SLC30A9: variants seen among roughly 807,000 people sequenced by gnomAD.
SLC30A9 encodes the protein solute carrier family 30 member 9, also known as proton-coupled zinc antiporter SLC30A9, mitochondrial.
Under a neutral mutation model 87.5 loss-of-function variants are expected in SLC30A9, and 58 were observed. The ratio of observed to expected loss-of-function variants is 0.66; its 90% CI spans 0.54 to 0.82. The LOEUF (loss-of-function observed/expected upper bound fraction) is 0.82. SLC30A9 is among the 40% of genes least tolerant of loss of function. The pLI is 0.00. For synonymous variants in SLC30A9, 234 were observed against 233.0 expected (o/e 1.00, Z -0.04); for missense variants, 557 against 679.1 (o/e 0.82, Z 2.00).
chr4:41,990,853 G>T (rs1194895516), intron 1 of SLC30A9, 93 bp downstream of exon 1: 1 of 890,658 alleles, frequency 1.1e-6, no homozygotes. Flanking sequence ...TCGCCCACTT[G>T]CCTTTCGCCA....
intron 1 of SLC30A9, among the ~76,000 whole-genome samples, chr4:41,998,283 C>T (rs138630668): frequency 0.018 from 2,748 of 152,220 alleles, 38 homozygotes; most frequent in South Asian, 0.022. Context: ...GTCTTGAAGA[C>T]ACAGCCCTTA....
chr4:42,004,784 TGA>T (rs1406767041), intron 2 of SLC30A9, among the ~76,000 whole-genome samples: 1 of 151,228 alleles, frequency 6.6e-6, no homozygotes, highest in Non-Finnish European at 1.5e-5. Flanking sequence ...CCTAAGTAGC[TGA>T]GAAAACAGGT....
At chr4:42,031,808 G>C (rs983877792) in intron 6 of SLC30A9, among the ~76,000 whole-genome samples, 1 of 152,106 alleles carries the variant, frequency 6.6e-6, no homozygotes, top group African/African-American at 2.4e-5. Context: ...ATGGAAATTT[G>C]TAGTTATTTC....
intron 6 of SLC30A9, among the ~76,000 whole-genome samples, chr4:42,029,006 G>A (rs1716305159): frequency 6.6e-6 from 1 of 152,220 alleles, no homozygotes; most frequent in Non-Finnish European, 1.5e-5. Context: ...TACATTATTT[G>A]AATCAAAGTA....
intron 15 of SLC30A9, among the ~76,000 whole-genome samples, chr4:42,073,565 G>A (rs1718403284): frequency 6.6e-6 from 1 of 152,068 alleles, no homozygotes; most frequent in Non-Finnish European, 1.5e-5. Context: ...AGCTTATCTG[G>A]GTCTTCGACT....
Position 41,990,619 on chromosome 4 carries a change from C to T in SLC30A9, c.-33C>T, listed in dbSNP as rs1160895332. ...CCGGTGGCGGCGCGGAGGCAGAAGG[C>T]GGTGTCCGAGTAGGGGCCTCTGCCC... On this transcript the variant is annotated 5_prime_UTR_variant, in exon 1 of 18. Coordinates refer to ENST00000264451, the MANE Select transcript of SLC30A9 (RefSeq NM_006345.4). 15 of 1,356,358 alleles carry T rather than the reference C, an allele frequency of 1.1e-5. No homozygotes were observed. Among genetic ancestry groups the T allele is most frequent in the African/African-American group, 1.4e-5 (1 of 70,554 alleles). 84.0% of individuals were successfully genotyped at this position (1,356,358 alleles called of 1,614,324 possible). A position where few individuals can be genotyped will look rare whatever the true frequency, so the allele number is the denominator to read the frequency against.
chr4:42,039,023 C>G lies in SLC30A9; in HGVS notation c.707C>G (p.Pro236Arg), dbSNP rs776659745. The G allele has an allele frequency of 1.2e-6, 2 of 1,613,402 alleles. No homozygotes were observed. The highest frequency in any genetic ancestry group is 1.7e-6 in the Non-Finnish European group (2 of 1,179,600). Residue 236 changes from proline to arginine, a missense_variant, in exon 8 of 18, where the codon CCA becomes CGA. Around this residue, in one of 2 missense-constraint regions of SLC30A9, gnomAD observed 467 missense variants for 529.8 expected, o/e 0.88. Transcript: ENST00000264451. ...SRTASVFFKGPGKVVMVAICI... is the reference protein window; with the variant it reads ...SRTASVFFKGRGKVVMVAICI... ...ACAGCATCAGTGTTTTTTAAGGGAC[C>G]AGGAAAAGTGGTGATGGTTGCAATT... is the stretch of plus-strand genomic sequence containing the variant.
chr4:41,997,400 A>G (rs533954459), intron 1 of SLC30A9, among the ~76,000 whole-genome samples: 1 of 152,174 alleles, frequency 6.6e-6, no homozygotes, highest in South Asian at 2.1e-4. Context: ...GACCTTGATG[A>G]AGTTCCAGAT....
rs569661491 is a variant in SLC30A9, at chr4:42,086,268, A to G, written c.*142A>G. On this transcript the variant is annotated 3_prime_UTR_variant, in exon 18 of 18. Transcript: ENST00000264451. Reference sequence around the variant, plus strand: ...TTAAGATGAAGGAAATATTTTATGTAAAGAGCAACTCAGCAGGACACAGAA... The same window carrying G: ...TTAAGATGAAGGAAATATTTTATGTGAAGAGCAACTCAGCAGGACACAGAA... 5.0e-5 allele frequency: 22 copies of G among 441,566 alleles called. No homozygotes were observed. The South Asian group carries it at 1.3e-3, about 26-fold the overall frequency. 27.4% of individuals were successfully genotyped at this position (441,566 alleles called of 1,614,324 possible). A position where few individuals can be genotyped will look rare whatever the true frequency, so the allele number is the denominator to read the frequency against.
intron 6 of SLC30A9, chr4:42,029,739 GTTA>G (rs1716343392): frequency 2.7e-6 from 2 of 728,402 alleles, no homozygotes; most frequent in South Asian, 1.4e-5. Context: ...CAAACCACAT[GTTA>G]TTATAAAGCT....
At chr4:42,070,478 AATAAT>A (rs1718266822) in intron 14 of SLC30A9, 43 bp from the exon 15 acceptor site, 2 of 1,470,540 alleles carry the variant, frequency 1.4e-6, no homozygotes, top group South Asian at 1.3e-5. Context: ...AGTTCACTGA[AATAAT>A]ATAAACTGTT....
intron 10 of SLC30A9, among the ~76,000 whole-genome samples, chr4:42,061,627 G>A (rs1228115499): frequency 3.3e-5 from 5 of 152,260 alleles, no homozygotes; most frequent in African/African-American, 7.2e-5. Context: ...GCCGGGTGCA[G>A]TGGCTCATGC....
At chr4:42,029,444 T>A in intron 6 of SLC30A9, 1 of 648,912 alleles carries the variant, frequency 1.5e-6, no homozygotes, top group Non-Finnish European at 2.9e-6. Flanking sequence ...CCACCAGGAT[T>A]AACACAGATT....
At chr4:42,021,660 A>G (rs943335925) in intron 4 of SLC30A9, among the ~76,000 whole-genome samples, 3 of 152,220 alleles carry the variant, frequency 2.0e-5, no homozygotes, top group African/African-American at 7.2e-5. Flanking sequence ...ATTAATCTAC[A>G]TATAAACAAA....
At chr4:42,077,623 T>G (rs1182682553) in intron 16 of SLC30A9, among the ~76,000 whole-genome samples, 1 of 152,126 alleles carries the variant, frequency 6.6e-6, no homozygotes, top group Non-Finnish European at 1.5e-5. Flanking sequence ...AGGCTGGTCT[T>G]GAACTCCTGG....
intron 4 of SLC30A9, among the ~76,000 whole-genome samples, chr4:42,022,234 T>C (rs1452247529): frequency 6.8e-6 from 1 of 146,080 alleles, no homozygotes; most frequent in Non-Finnish European, 1.5e-5. Flanking sequence ...CGCACCTTGC[T>C]TATTTTTCAC....
intron 2 of SLC30A9, among the ~76,000 whole-genome samples, chr4:42,016,725 A>G (rs1249977021): frequency 6.6e-6 from 1 of 152,176 alleles, no homozygotes; most frequent in Non-Finnish European, 1.5e-5. Context: ...GTAAAAGCTC[A>G]AAGAAAGATG....
intron 2 of SLC30A9, among the ~76,000 whole-genome samples, chr4:42,017,162 C>A (rs547084338): frequency 6.6e-6 from 1 of 152,160 alleles, no homozygotes; most frequent in South Asian, 2.1e-4. Flanking sequence ...CTTATGATTT[C>A]ATTTGGATTC....
intron 15 of SLC30A9, among the ~76,000 whole-genome samples, chr4:42,072,812 CTTT>C (rs71200203): frequency 1.0e-4 from 12 of 118,128 alleles, no homozygotes; most frequent in East Asian, 2.6e-4. Context: ...TTGTTCTATC[CTTT>C]TTTTTTTTTT....
Sources: allele counts gnomAD v4.1 joint callset (sites outside exome capture counted in the v4.1 genomes callset), GRCh38; gene constraint gnomAD v4.1.1; regional missense constraint gnomAD v4.1.1; transcripts MANE v1.5; gene names NCBI Gene and HGNC (gene_info 2026-07-23, HGNC 2026-07-21).